SHOC1: variants seen among roughly 807,000 people sequenced by gnomAD.
The protein encoded by SHOC1 is shortage in chiasmata 1.
SHOC1 carries 136 observed loss-of-function variants against 179.2 expected under a neutral mutation model. That is an observed-to-expected ratio of 0.76 (90% confidence interval 0.66 to 0.87). The LOEUF (loss-of-function observed/expected upper bound fraction) is 0.87, where lower values mean the gene tolerates loss of function less well. Ranked by LOEUF, SHOC1 falls within the 40% of genes least tolerant of loss-of-function variation. SHOC1 has a pLI of 0.00. For synonymous variants in SHOC1, 489 were observed against 586.6 expected, an observed-to-expected ratio of 0.83 and a Z score of 2.41; for missense variants, 1,538 against 1,700.8, an observed-to-expected ratio of 0.90 and a Z score of 1.68.
In SHOC1 at chr9:111,706,664, T is replaced by A. The variant is rs577561334; in HGVS notation, c.2641A>T (p.Asn881Tyr). The change falls in exon 20 of 28, where the codon AAT becomes TAT. Residue 881 changes from asparagine to tyrosine, a missense_variant. Physicochemically the swap from Asn to Tyr is moderately radical, Grantham distance 143 (BLOSUM62 -2). Transcript: ENST00000682961. ...WSNFSFVVEY[N>Y]YVEDSCWTKH... ...GTCCAACAAGAGTCTTCCACATAAT[T>A]GTATTCCACCACAAATGAGAAATTA... The A allele has an allele frequency of 1.9e-6, 3 of 1,609,000 alleles. No individual in the cohort carries two copies. The African/African-American group carries it at 4.0e-5, about 22-fold the overall frequency.
At chr9:111,773,141 T>C (rs903120386) in intron 5 of SHOC1, among the ~76,000 whole-genome samples, 2 of 152,072 alleles carry the variant, frequency 1.3e-5, no homozygotes, top group African/African-American at 4.8e-5. Flanking sequence ...TAGTGAAAAT[T>C]TTGGCATTGT....
At position 111,693,847 on chromosome 9, in the gene SHOC1, C is replaced by T. The variant is rs1005843140; in HGVS notation, c.3417G>A (p.Leu1139=). The T allele has an allele frequency of 5.0e-6, 8 of 1,611,880 alleles. No individual in the cohort carries two copies. Among genetic ancestry groups the T allele is most frequent in the African/African-American group, 1.3e-5 (1 of 74,974 alleles). Residue 1139 remains leucine (L), a synonymous_variant, in exon 26 of 28, where the codon CTG becomes CTA. Transcript: ENST00000682961. The part of the protein sequence containing the change: ...PSLHWILLAT[L]CQLQELLPEV... ...CAGGTAGGAGTTCCTGAAGTTGACACAGAGTTGCTAATAATATCCAATGCA... is the reference window on the plus strand; with the variant it reads ...CAGGTAGGAGTTCCTGAAGTTGACATAGAGTTGCTAATAATATCCAATGCA...
At chr9:111,734,573 C>A (rs1462826755) in intron 12 of SHOC1, among the ~76,000 whole-genome samples, 1 of 151,986 alleles carries the variant, frequency 6.6e-6, no homozygotes, top group East Asian at 1.9e-4. Flanking sequence ...CCTTATTGTT[C>A]TTTTTATAAG....
At chr9:111,748,003 C>A (rs1834371426) in intron 9 of SHOC1, 89 bp downstream of exon 9, 2 of 774,680 alleles carry the variant, frequency 2.6e-6, no homozygotes, top group Middle Eastern at 2.4e-4. Context: ...GAAACTGACT[C>A]ACAGTACACT....
intron 12 of SHOC1, among the ~76,000 whole-genome samples, chr9:111,731,146 C>CA (rs1209222473): frequency 0.013 from 2,016 of 152,308 alleles, 55 homozygotes; most frequent in African/African-American, 0.046. Context: ...AATATTGTGG[C>CA]TGGTTTGATC....
At position 111,774,994 on chromosome 9, in the gene SHOC1, TAA is replaced by T. The variant is rs67692637; in HGVS notation, c.442+795_442+796del. Among the ~76,000 whole-genome samples the T allele has an allele frequency of 1.7e-4, 25 of 147,092 alleles. No homozygotes were observed. In the East Asian group the frequency reaches 1.8e-3, roughly 11 times the overall value. ...GAATCCAGTTTGAATAAAATATACT[TAA>T]AAAAAAATTTTTTTTTTGAGATTCA... On this transcript the variant is annotated intron_variant, in intron 5 of 27. Coordinates refer to ENST00000682961, the MANE Select transcript of SHOC1 (RefSeq NM_001378211.1).
chr9:111,706,350 A>C (rs2146076), intron 20 of SHOC1, among the ~76,000 whole-genome samples: 11,337 of 152,182 alleles, frequency 0.074, 621 homozygotes, highest in South Asian at 0.2. Context: ...AGATAAAGGA[A>C]TGAAAACATA....
intron 26 of SHOC1, among the ~76,000 whole-genome samples, chr9:111,693,367 C>T: frequency 7.1e-6 from 1 of 141,618 alleles, no homozygotes; most frequent in East Asian, 2.0e-4. Flanking sequence ...GGTGGATCAC[C>T]TGAGGTCAGG....
At chr9:111,772,313 A>G (rs940810088) in intron 5 of SHOC1, among the ~76,000 whole-genome samples, 2 of 152,072 alleles carry the variant, frequency 1.3e-5, no homozygotes, top group Admixed American at 6.6e-5. Context: ...AATTTTCTGA[A>G]TTGCTTTTCT....
intron 2 of SHOC1, among the ~76,000 whole-genome samples, chr9:111,789,291 T>C (rs1224288946): frequency 1.3e-5 from 2 of 152,158 alleles, no homozygotes; most frequent in East Asian, 1.9e-4. Flanking sequence ...GAAAAAAAAG[T>C]TGATTAGTAT....
intron 18 of SHOC1, 48 bp downstream of exon 18, chr9:111,713,052 A>G: frequency 8.7e-7 from 1 of 1,146,640 alleles, no homozygotes; most frequent in Non-Finnish European, 1.3e-6. Flanking sequence ...ACACTTTTAT[A>G]AGTTCAAGCA....
At chr9:111,790,181 T>C (rs572399746) in intron 2 of SHOC1, among the ~76,000 whole-genome samples, 1 of 152,326 alleles carries the variant, frequency 6.6e-6, no homozygotes, top group Admixed American at 6.5e-5. Context: ...TGTAAAATAA[T>C]AGTATCTGCC....
In SHOC1 at chr9:111,686,743, G is replaced by T; in HGVS notation, c.*27C>A. ...ATTAGCATCAAAAACAGTGGAATATGGCATGTAACATTGCTCTTCTCCTCC... is the reference window on the plus strand; with the variant it reads ...ATTAGCATCAAAAACAGTGGAATATTGCATGTAACATTGCTCTTCTCCTCC... On this transcript the variant is annotated 3_prime_UTR_variant, in exon 28 of 28. Transcript: ENST00000682961. 3 of 1,395,140 alleles carry T rather than the reference G, an allele frequency of 2.2e-6. No individual in the cohort carries two copies. Among genetic ancestry groups the T allele is most frequent in the South Asian group, 2.3e-5 (2 of 86,116 alleles). The allele number at this position is 1,395,140 out of a possible 1,614,324, so 86.4% of individuals were successfully genotyped here.
chr9:111,794,389 G>C (rs1411023891), intron 1 of SHOC1, among the ~76,000 whole-genome samples: 1 of 151,712 alleles, frequency 6.6e-6, no homozygotes, highest in Non-Finnish European at 1.5e-5. Flanking sequence ...TTCGAGACCA[G>C]CCGGGTCAAC....
At chr9:111,748,589 T>C (rs975397588) in intron 8 of SHOC1, among the ~76,000 whole-genome samples, 9 of 152,216 alleles carry the variant, frequency 5.9e-5, no homozygotes, top group African/African-American at 2.2e-4. Flanking sequence ...GGAACTCTAC[T>C]TGTCTATATG....
At chr9:111,792,304 C>T (rs1836473979) in intron 1 of SHOC1, among the ~76,000 whole-genome samples, 1 of 152,090 alleles carries the variant, frequency 6.6e-6, no homozygotes, top group Admixed American at 6.5e-5. Context: ...CAATCCAGGC[C>T]AGGCATGTTG....
At chr9:111,708,199 T>A (rs12336654) in intron 18 of SHOC1, among the ~76,000 whole-genome samples, 15 of 135,390 alleles carry the variant, frequency 1.1e-4, no homozygotes, top group African/African-American at 5.2e-4. Flanking sequence ...TTAATTTTTA[T>A]TTTTTATTTT....
chr9:111,793,159 G>T (rs1046032526), intron 1 of SHOC1, among the ~76,000 whole-genome samples: 20 of 152,168 alleles, frequency 1.3e-4, no homozygotes, highest in Non-Finnish European at 2.9e-5. Flanking sequence ...TGGGATTACA[G>T]GCGTGAGCCA....
chr9:111,734,978 C>G lies in SHOC1; in HGVS notation c.1417+3302G>C, dbSNP rs139489700. On this transcript the variant is annotated intron_variant, in intron 12 of 27. Coordinates refer to ENST00000682961, the MANE Select transcript of SHOC1 (RefSeq NM_001378211.1). ...TTTTTCAACCCCTTCCCCCACTTCC[C>G]TCCTCTAGTAGCCCCCAGTTTCTAT... 2.5e-3 allele frequency among the ~76,000 whole-genome samples: 378 copies of G among 152,174 alleles called. 1 individual carries two copies. The highest frequency in any genetic ancestry group is 8.3e-3 in the African/African-American group (343 of 41,518).
Sources: allele counts gnomAD v4.1 joint callset (sites outside exome capture counted in the v4.1 genomes callset), GRCh38; gene constraint gnomAD v4.1.1; transcripts MANE v1.5; gene names NCBI Gene and HGNC (gene_info 2026-07-23, HGNC 2026-07-21).